The following SLCO1A2 variants were observed in gnomAD, a reference collection of about 807,000 sequenced individuals.
The protein encoded by SLCO1A2 is OATP-1.
SLCO1A2 carries 67 observed loss-of-function variants against 69.0 expected under a neutral mutation model. That is an observed-to-expected ratio of 0.97 (90% confidence interval 0.80 to 1.19). SLCO1A2 has a LOEUF of 1.19. Among genes scored for constraint, SLCO1A2 ranks in the 50% most tolerant of loss-of-function variants. The pLI, the probability that SLCO1A2 is intolerant of heterozygous loss-of-function variation, is 0.00. For synonymous variants in SLCO1A2, 260 were observed against 265.9 expected (o/e 0.98, Z 0.22); for missense variants, 787 against 793.7 (o/e 0.99, Z 0.10).
chr12:21,285,790 CT>C (rs1321534864), intron 12 of SLCO1A2, among the ~76,000 whole-genome samples: 3 of 151,678 alleles, frequency 2.0e-5, no homozygotes, highest in Non-Finnish European at 2.9e-5. Flanking sequence ...CAGAAAAAGC[CT>C]TTGACAAAAT....
chr12:21,334,192 T>A (rs1304111038), intron 2 of SLCO1A2, among the ~76,000 whole-genome samples: 1 of 152,148 alleles, frequency 6.6e-6, no homozygotes, highest in Non-Finnish European at 1.5e-5. Flanking sequence ...GCTGGGTAAT[T>A]GCATACAAAT....
intron 2 of SLCO1A2, among the ~76,000 whole-genome samples, chr12:21,357,628 T>G (rs1445222646): frequency 2.0e-5 from 3 of 152,222 alleles, no homozygotes; most frequent in Non-Finnish European, 4.4e-5. Flanking sequence ...TAAGTATTAT[T>G]GAATGAATAA....
rs1472841173 is a variant in SLCO1A2 at position 21,266,970 on chromosome 12, T to G, written c.*2578A>C. 1 of 152,092 alleles carries G rather than the reference T, an allele frequency of 6.6e-6. No individual in the cohort carries two copies. Among genetic ancestry groups the G allele is most frequent in the Non-Finnish European group, 1.5e-5 (1 of 68,010 alleles). The allele number at this position is 152,092 out of a possible 1,614,324, so 9.4% of individuals were successfully genotyped here. A position where few individuals can be genotyped will look rare whatever the true frequency, so the allele number is the denominator to read the frequency against. On this transcript the variant is annotated 3_prime_UTR_variant, in exon 15 of 15. Coordinates refer to ENST00000683939, the MANE Select transcript of SLCO1A2 (RefSeq NM_001386879.1). ...TATTAAGTAAGAAAATTACTGACTC[T>G]CGACTTCTCACTACCTGTTCTCTTG...
chr12:21,373,036 AT>A (rs1160868342), intron 2 of SLCO1A2: 1 of 298,134 alleles, frequency 3.4e-6, no homozygotes, highest in Non-Finnish European at 6.2e-6. Context: ...GGAAAGTTTT[AT>A]TTATTTAGAG....
chr12:21,318,836 G>C lies in SLCO1A2; in HGVS notation c.148C>G (p.Gln50Glu), dbSNP rs541134154. ...ACTAGAGATGTTGGGATGTTGAATT[G>C]TCTCTCTATTTGTGTGAGCATGGAA... is the stretch of plus-strand genomic sequence containing the variant. Reference protein sequence around the residue: ...MNSMLTQIERQFNIPTSLVGF... With the variant: ...MNSMLTQIEREFNIPTSLVGF... The change falls in exon 3 of 15, where the codon CAA becomes GAA. Residue 50 changes from glutamine (Q) to glutamate (E), a missense_variant. Gln to Glu is a conservative substitution (Grantham distance 29). Transcript: ENST00000683939. The C allele has an allele frequency of 1.7e-5, 28 of 1,610,908 alleles. No homozygotes were observed. The highest frequency in any genetic ancestry group is 2.4e-5 in the Non-Finnish European group (28 of 1,178,378).
chr12:21,301,311 G>A (rs772603953), intron 6 of SLCO1A2, 42 bp from the exon 7 acceptor site: 1 of 1,370,152 alleles, frequency 7.3e-7, no homozygotes, highest in South Asian at 1.3e-5. Context: ...ACAGTTATAT[G>A]CCCACATAAA....
chr12:21,415,532 A>G (rs1018325118), intron 1 of SLCO1A2, among the ~76,000 whole-genome samples: 3 of 152,042 alleles, frequency 2.0e-5, no homozygotes, highest in African/African-American at 4.8e-5. Flanking sequence ...TTATACTCTC[A>G]TTTCTGAAGA....
upstream of SLCO1A2, among the ~76,000 whole-genome samples, chr12:21,338,058 A>C (rs1283892820): frequency 6.6e-6 from 1 of 152,026 alleles, no homozygotes; most frequent in East Asian, 1.9e-4. Context: ...AGCAACAGAA[A>C]AGTAAAGTTG....
upstream of SLCO1A2, among the ~76,000 whole-genome samples, chr12:21,399,205 A>G (rs1352752990): frequency 7.1e-6 from 1 of 140,226 alleles, no homozygotes; most frequent in South Asian, 2.5e-4. Context: ...ATGTACAAAA[A>G]TCACAAGCAT....
At chr12:21,408,226 C>T in intron 1 of SLCO1A2, among the ~76,000 whole-genome samples, 1 of 152,118 alleles carries the variant, frequency 6.6e-6, no homozygotes, top group South Asian at 2.1e-4. Flanking sequence ...ATTTATTAAC[C>T]ATGCATAAAG....
chr12:21,309,342 C>T, intron 4 of SLCO1A2, among the ~76,000 whole-genome samples: 1 of 152,058 alleles, frequency 6.6e-6, no homozygotes, highest in Non-Finnish European at 1.5e-5. Context: ...ATTGAAGGCT[C>T]CTGGCACAAT....
intron 2 of SLCO1A2, among the ~76,000 whole-genome samples, chr12:21,353,743 G>T (rs1591872890): frequency 1.3e-5 from 2 of 152,212 alleles, no homozygotes; most frequent in Non-Finnish European, 2.9e-5. Flanking sequence ...TTCAGGTGAT[G>T]AAAGGGACAT....
upstream of SLCO1A2, among the ~76,000 whole-genome samples, chr12:21,336,694 T>C (rs1328237367): frequency 2.6e-5 from 4 of 151,928 alleles, no homozygotes; most frequent in African/African-American, 9.7e-5. Flanking sequence ...AATCCAACGG[T>C]TAATATCATA....
intron 1 of SLCO1A2, among the ~76,000 whole-genome samples, chr12:21,407,744 C>T (rs983872834): frequency 1.3e-5 from 2 of 151,598 alleles, no homozygotes; most frequent in Non-Finnish European, 2.9e-5. Flanking sequence ...GAAGTCAAGA[C>T]TGCAGTGAGC....
intron 2 of SLCO1A2, among the ~76,000 whole-genome samples, chr12:21,320,581 C>T (rs1363518742): frequency 6.6e-6 from 1 of 152,148 alleles, no homozygotes; most frequent in Non-Finnish European, 1.5e-5. Context: ...TCACTGCAAC[C>T]TCCACCTCCT....
chr12:21,313,458 A>G (rs1950469118), intron 4 of SLCO1A2, among the ~76,000 whole-genome samples: 1 of 152,206 alleles, frequency 6.6e-6, no homozygotes, highest in Admixed American at 6.5e-5. Context: ...CATGCCTGTA[A>G]TCCCGCACTT....
chr12:21,265,410 T>C lies in SLCO1A2; in HGVS notation c.*4138A>G, dbSNP rs539287105. ...TGAGGATAGATTGCAGCTGGATGCA[T>C]TGATGGCATAAGGCCAGAAAGTAGA... is the stretch of plus-strand genomic sequence containing the variant. On this transcript the variant is annotated 3_prime_UTR_variant, in exon 15 of 15. Coordinates refer to ENST00000683939, the MANE Select transcript of SLCO1A2 (RefSeq NM_001386879.1). The C allele has an allele frequency of 2.0e-5, 3 of 152,418 alleles. No homozygotes were observed. The highest frequency in any genetic ancestry group is 4.4e-5 in the Non-Finnish European group (3 of 68,260). The allele number at this position is 152,418 out of a possible 1,614,324, so 9.4% of individuals were successfully genotyped here. A position where few individuals can be genotyped will look rare whatever the true frequency, so the allele number is the denominator to read the frequency against.
At chr12:21,347,002 C>T (rs1407685246) in intron 2 of SLCO1A2, among the ~76,000 whole-genome samples, 1 of 149,398 alleles carries the variant, frequency 6.7e-6, no homozygotes, top group Non-Finnish European at 1.5e-5. Context: ...TATTTATAGC[C>T]CATCTGTCAA....
intron 2 of SLCO1A2, among the ~76,000 whole-genome samples, chr12:21,355,408 G>C (rs888706514): frequency 3.9e-5 from 6 of 152,156 alleles, no homozygotes; most frequent in Non-Finnish European, 8.8e-5. Context: ...CGAAGTGTGA[G>C]GGGGTAGGCA....
Sources: gnomAD v4.1 joint callset for allele counts (sites outside exome capture counted in the v4.1 genomes callset) on GRCh38, gnomAD v4.1.1 for gene constraint, MANE v1.5 for transcripts, NCBI Gene and HGNC (gene_info 2026-07-23, HGNC 2026-07-21) for gene names.